Variants in ZNF341 observed in about 807,000 individuals in gnomAD.
ZNF341 encodes zinc finger protein 341.
ZNF341 carries 52 observed loss-of-function variants against 87.7 expected under a neutral mutation model. That is an observed-to-expected ratio of 0.59 (90% confidence interval 0.47 to 0.75). The LOEUF (loss-of-function observed/expected upper bound fraction) is 0.75. ZNF341 is among the 30% of genes least tolerant of loss of function. ZNF341 has a pLI of 0.00. For synonymous variants in ZNF341, 459 were observed against 472.7 expected, an observed-to-expected ratio of 0.97 and a Z score of 0.38; for missense variants, 977 against 1,145.9, an observed-to-expected ratio of 0.85 and a Z score of 2.13.
chr20:33,756,411 G>A (rs560253591), intron 5 of ZNF341, among the ~76,000 whole-genome samples: 116 of 150,116 alleles, frequency 7.7e-4, no homozygotes, highest in Non-Finnish European at 1.3e-3. Flanking sequence ...CCATCGCCCA[G>A]GCTGGAGTGC....
intron 1 of ZNF341, among the ~76,000 whole-genome samples, chr20:33,740,632 G>A (rs1389277611): frequency 6.6e-6 from 1 of 152,088 alleles, no homozygotes; most frequent in Non-Finnish European, 1.5e-5. Flanking sequence ...AGCCTCCCTA[G>A]TAGCTGGGAC....
intron 3 of ZNF341, among the ~76,000 whole-genome samples, chr20:33,746,137 G>A (rs1266578418): frequency 6.6e-6 from 1 of 151,168 alleles, no homozygotes. Flanking sequence ...CACCATGTTA[G>A]CCAGGATGGT....
intron 10 of ZNF341, among the ~76,000 whole-genome samples, chr20:33,776,265 A>T (rs1449352278): frequency 6.7e-6 from 1 of 149,378 alleles, no homozygotes; most frequent in Admixed American, 6.7e-5. Flanking sequence ...TTTTTTTTTT[A>T]AACTTTTTGT....
chr20:33,779,448 C>CTTTT (rs34100674), intron 10 of ZNF341, among the ~76,000 whole-genome samples: 2 of 129,080 alleles, frequency 1.5e-5, no homozygotes, highest in Non-Finnish European at 1.6e-5. Flanking sequence ...GACAATCTCC[C>CTTTT]TTTTTTTTTT....
chr20:33,752,328 A>G, intron 4 of ZNF341: 1 of 618,854 alleles, frequency 1.6e-6, no homozygotes, highest in Non-Finnish European at 3.1e-6. Context: ...CCTTTGTCTC[A>G]GACAGCTTTG....
intron 5 of ZNF341, among the ~76,000 whole-genome samples, chr20:33,755,752 C>T (rs1489720402): frequency 1.3e-5 from 2 of 151,988 alleles, no homozygotes; most frequent in East Asian, 3.9e-4. Context: ...ACCACCATGC[C>T]CATCTAATTT....
At chr20:33,739,576 T>C (rs548338519) in intron 1 of ZNF341, among the ~76,000 whole-genome samples, 13 of 152,334 alleles carry the variant, frequency 8.5e-5, no homozygotes, top group African/African-American at 3.1e-4. Flanking sequence ...CTATTGTTTA[T>C]TGCAGAACAA....
rs1475337186 is a variant in ZNF341 at position 33,770,075 on chromosome 20, T to C, written c.1414-9T>C. ...GCCTCCTGTCACCTGCCCAGCGTCT[T>C]CCCTCAAGGTGTACAAGTGTGTGGT... On this transcript the variant is annotated splice_polypyrimidine_tract_variant and intron_variant, in intron 9 of 14. Transcript: ENST00000375200. 1 of 1,610,540 alleles carries C rather than the reference T, an allele frequency of 6.2e-7. No individual in the cohort carries two copies. The highest frequency in any genetic ancestry group is 1.3e-5 in the African/African-American group (1 of 74,940).
chr20:33,785,608 A>C (rs2019838101), intron 12 of ZNF341, among the ~76,000 whole-genome samples: 1 of 152,144 alleles, frequency 6.6e-6, no homozygotes, highest in African/African-American at 2.4e-5. Flanking sequence ...AAGTGCTGGG[A>C]TTACAGATGC....
chr20:33,775,378 T>C (rs1478690630), intron 10 of ZNF341, among the ~76,000 whole-genome samples: 1 of 151,768 alleles, frequency 6.6e-6, no homozygotes, highest in Non-Finnish European at 1.5e-5. Context: ...GCCCCGCTAA[T>C]TTTTTGTATT....
At chr20:33,758,679 C>T (rs1355798100) in intron 6 of ZNF341, 37 bp from the exon 7 acceptor site, 5 of 1,571,340 alleles carry the variant, frequency 3.2e-6, no homozygotes, top group Non-Finnish European at 4.4e-6. Flanking sequence ...AGCTGCACCC[C>T]CAGCCTCATT....
At chr20:33,769,378 G>T (rs1396627726) in intron 9 of ZNF341, among the ~76,000 whole-genome samples, 77 of 125,976 alleles carry the variant, frequency 6.1e-4, no homozygotes, top group African/African-American at 1.7e-3. Flanking sequence ...GTGGTGGTGG[G>T]GGGGGGGGCA....
At chr20:33,781,442 TG>T (rs2019741674) in intron 11 of ZNF341, 55 bp downstream of exon 11, 1 of 1,515,334 alleles carries the variant, frequency 6.6e-7, no homozygotes, top group African/African-American at 1.4e-5. Context: ...GGCAAGGAGG[TG>T]GGGTGGGGTG....
intron 12 of ZNF341, chr20:33,788,505 C>T: frequency 3.2e-6 from 1 of 315,030 alleles, no homozygotes; most frequent in Non-Finnish European, 6.2e-6. Flanking sequence ...TCGCTGCCCT[C>T]ACCTTCTGCC....
chr20:33,760,446 A>G (rs2019267968), intron 7 of ZNF341, among the ~76,000 whole-genome samples: 1 of 152,196 alleles, frequency 6.6e-6, no homozygotes, highest in Middle Eastern at 3.2e-3. Flanking sequence ...GCTGTCCAAT[A>G]TGGTAGCTAC....
At chr20:33,776,387 C>G (rs968459155) in intron 10 of ZNF341, among the ~76,000 whole-genome samples, 1 of 150,350 alleles carries the variant, frequency 6.7e-6, no homozygotes, top group African/African-American at 2.5e-5. Flanking sequence ...GCCACTGCAC[C>G]TGGCCTTTTT....
intron 10 of ZNF341, among the ~76,000 whole-genome samples, chr20:33,775,508 C>CTT (rs772780844): frequency 2.2e-5 from 3 of 135,968 alleles, no homozygotes; most frequent in Admixed American, 7.5e-5. Context: ...CGTGCCCGGC[C>CTT]TTTTTTTTTT....
At chr20:33,764,543 G>GTGTGTATATA (rs1332743148) in intron 8 of ZNF341, among the ~76,000 whole-genome samples, 1 of 69,338 alleles carries the variant, frequency 1.4e-5, no homozygotes, top group African/African-American at 6.8e-5. Flanking sequence ...GTGTGTATGT[G>GTGTGTATATA]TATATATATA....
intron 2 of ZNF341, among the ~76,000 whole-genome samples, chr20:33,743,635 G>A (rs1181207135): frequency 6.6e-6 from 1 of 151,962 alleles, no homozygotes; most frequent in Non-Finnish European, 1.5e-5. Context: ...GAGCCACCTC[G>A]CCTGGCAACC....
Sources: allele counts gnomAD v4.1 joint callset (sites outside exome capture counted in the v4.1 genomes callset), GRCh38; gene constraint gnomAD v4.1.1; transcripts MANE v1.5; gene names NCBI Gene and HGNC (gene_info 2026-07-23, HGNC 2026-07-21).